The following LCORL variants were observed in gnomAD, a reference collection of about 807,000 sequenced individuals.
LCORL encodes the protein ligand-dependent nuclear receptor corepressor-like protein.
A neutral mutation model predicts 141.8 loss-of-function variants in LCORL; 41 were observed. That is an observed-to-expected ratio of 0.29 (90% CI 0.23 to 0.38). The LOEUF is 0.38. Ranked by LOEUF, LCORL falls within the 10% of genes least tolerant of loss-of-function variation. The pLI, the probability that LCORL is intolerant of heterozygous loss-of-function variation, is 1.00. For missense variants in LCORL, 1,759 were observed against 2,035.0 expected, an observed-to-expected ratio of 0.86 and a Z score of 2.61; for synonymous variants, 618 against 694.1, an observed-to-expected ratio of 0.89 and a Z score of 1.72.
chr4:18,017,143 T>C (rs894906508), intron 1 of LCORL, among the ~76,000 whole-genome samples: 2 of 152,064 alleles, frequency 1.3e-5, no homozygotes, highest in African/African-American at 4.8e-5. Flanking sequence ...ATCAAAATAA[T>C]GACAGCAATG....
intron 5 of LCORL, among the ~76,000 whole-genome samples, chr4:17,897,594 C>T (rs1730186947): frequency 6.6e-6 from 1 of 151,964 alleles, no homozygotes; most frequent in Non-Finnish European, 1.5e-5. Flanking sequence ...TGTGTACCTC[C>T]AATAGAGACT....
chr4:17,947,094 A>G (rs1484341566), intron 4 of LCORL, among the ~76,000 whole-genome samples: 1 of 152,038 alleles, frequency 6.6e-6, no homozygotes, highest in Admixed American at 6.6e-5. Flanking sequence ...CAACAGCTGA[A>G]TCATGGAATC....
rs139656197 is a variant in LCORL, at chr4:17,883,673, A to AACACAC, written c.776+2389_776+2394dup. 1.4e-3 allele frequency: 1,822 copies of AACACAC among 1,316,070 alleles called. 8 individuals carry two copies. The African/African-American group carries it at 0.021, about 16-fold the overall frequency. The allele number at this position is 1,316,070 out of a possible 1,614,324, so 81.5% of individuals were successfully genotyped here. On this transcript the variant is annotated intron_variant, in intron 6 of 7. Coordinates refer to ENST00000635767, the Ensembl canonical transcript of LCORL. ...ACCTGTGCACATACACACACACGCA[A>AACACAC]ACACACACACACACACACACTCACA...
At chr4:18,007,778 G>A (rs1190103691) in intron 1 of LCORL, among the ~76,000 whole-genome samples, 1 of 152,186 alleles carries the variant, frequency 6.6e-6, no homozygotes, top group Non-Finnish European at 1.5e-5. Context: ...AACTCACTCT[G>A]ACAGAGGATG....
At chr4:17,950,944 A>G (rs1440993417) in intron 4 of LCORL, among the ~76,000 whole-genome samples, 1 of 152,146 alleles carries the variant, frequency 6.6e-6, no homozygotes, top group Admixed American at 6.5e-5. Context: ...AAGTAAAGTA[A>G]CTTTAAACAG....
chr4:17,866,977 A>G, intron 7 of LCORL: 1 of 985,270 alleles, frequency 1.0e-6, no homozygotes, highest in Non-Finnish European at 1.2e-6. Flanking sequence ...TTAAAGAAGA[A>G]AAGGGTGACC....
intron 7 of LCORL, among the ~76,000 whole-genome samples, chr4:17,847,608 T>C (rs1723085746): frequency 6.6e-6 from 1 of 152,174 alleles, no homozygotes; most frequent in African/African-American, 2.4e-5. Context: ...TAAAAAATAA[T>C]ATAATTAAAG....
chr4:17,882,318 G>C (rs1310647301), intron 6 of LCORL: 2 of 984,516 alleles, frequency 2.0e-6, no homozygotes, highest in East Asian at 1.1e-4. Flanking sequence ...ACAGAGAAAG[G>C]GGGCACTCAG....
intron 7 of LCORL, among the ~76,000 whole-genome samples, chr4:17,869,483 A>T (rs1577289247): frequency 6.6e-6 from 1 of 152,152 alleles, no homozygotes; most frequent in East Asian, 1.9e-4. Context: ...TCTTATCAAC[A>T]GTTTACATTG....
chr4:17,884,362 T>C lies in LCORL; in HGVS notation c.776+1706A>G, dbSNP rs1451179960. The C allele has an allele frequency of 6.5e-7, 1 of 1,547,510 alleles. No individual in the cohort carries two copies. Among genetic ancestry groups the C allele is most frequent in the African/African-American group, 1.4e-5 (1 of 72,620 alleles). On this transcript the variant is annotated intron_variant, in intron 6 of 7. Coordinates refer to ENST00000635767, the Ensembl canonical transcript of LCORL. This position sits in a 1 kb window ranked among gnomAD's most constrained non-coding sequence, Gnocchi z 4.4. The stretch of plus-strand genomic sequence containing the variant: ...TTTTTTCTTTAAACTGAGTGACCAT[T>C]TTCTGTAGAGTTAGCTGATGGAGGT...
At chr4:17,939,976 T>C (rs532860400) in intron 4 of LCORL, among the ~76,000 whole-genome samples, 92 of 150,364 alleles carry the variant, frequency 6.1e-4, no homozygotes, top group Non-Finnish European at 1.1e-3. Context: ...ACACACTATA[T>C]GCATGTACTA....
intron 4 of LCORL, among the ~76,000 whole-genome samples, chr4:17,914,500 A>G (rs1289851923): frequency 1.3e-5 from 2 of 152,178 alleles, no homozygotes; most frequent in African/African-American, 4.8e-5. Flanking sequence ...TTTATACTAT[A>G]TTGTGGAATA....
intron 5 of LCORL, among the ~76,000 whole-genome samples, chr4:17,887,718 G>A (rs1309308609): frequency 6.6e-6 from 1 of 152,168 alleles, no homozygotes; most frequent in African/African-American, 2.4e-5. Flanking sequence ...AGAATTCTGG[G>A]TGGAAGACTG....
chr4:17,857,928 C>A (rs1192770167), intron 7 of LCORL, among the ~76,000 whole-genome samples: 1 of 152,128 alleles, frequency 6.6e-6, no homozygotes, highest in Non-Finnish European at 1.5e-5. Context: ...AATCCCAGCT[C>A]ACAATAATAT....
chr4:17,863,235 G>C (rs568723316), intron 7 of LCORL, among the ~76,000 whole-genome samples: 6 of 152,304 alleles, frequency 3.9e-5, no homozygotes, highest in African/African-American at 1.4e-4. Context: ...AGAATCACTT[G>C]AACATGGGAG....
Position 17,911,736 on chromosome 4 carries a change from G to A in LCORL, c.431-2391C>T, listed in dbSNP as rs543992732. 9.7e-5 allele frequency: 46 copies of A among 472,822 alleles called. 1 individual carries two copies. Among genetic ancestry groups the A allele is most frequent in the South Asian group, 5.3e-4 (31 of 58,566 alleles). 29.3% of individuals were successfully genotyped at this position (472,822 alleles called of 1,614,324 possible). A position where few individuals can be genotyped will look rare whatever the true frequency, so the allele number is the denominator to read the frequency against. On this transcript the variant is annotated intron_variant, in intron 4 of 7. Coordinates refer to ENST00000635767, the Ensembl canonical transcript of LCORL. ...ACTGTTTCCTGGACTCCGTCCAAGC[G>A]CCCAGCTATGGTGCCTGGCTGGTCA...
At chr4:17,912,831 C>A (rs563670888) in intron 4 of LCORL, 3 of 434,684 alleles carry the variant, frequency 6.9e-6, no homozygotes, top group Non-Finnish European at 1.3e-5. Context: ...AAGATCGACA[C>A]CTGCTGGAAG....
intron 4 of LCORL, among the ~76,000 whole-genome samples, chr4:17,960,009 C>T (rs1713466632): frequency 6.6e-6 from 1 of 152,104 alleles, no homozygotes; most frequent in Admixed American, 6.6e-5. Flanking sequence ...CTAGCCCCAT[C>T]TTGGTCAGAC....
chr4:17,880,288 A>T (rs10489043), intron 6 of LCORL: 1 of 267,660 alleles, frequency 3.7e-6, no homozygotes, highest in Non-Finnish European at 5.7e-6. Context: ...GCATGTTAGG[A>T]TCTTAAAGAA....
Sources: allele counts gnomAD v4.1 joint callset (sites outside exome capture counted in the v4.1 genomes callset), GRCh38; gene constraint gnomAD v4.1.1; non-coding constraint Gnocchi (gnomAD v3.1); transcripts MANE v1.5; gene names NCBI Gene and HGNC (gene_info 2026-07-23, HGNC 2026-07-21).